Variants in LRRK1 observed in about 807,000 individuals in gnomAD.
LRRK1 encodes leucine rich repeat kinase 1, also known as leucine-rich repeat serine/threonine-protein kinase 1.
LRRK1 carries 113 observed loss-of-function variants against 209.1 expected under a neutral mutation model. The observed-to-expected ratio is 0.54, with a 90% CI of 0.46 to 0.63. The LOEUF is 0.63. LRRK1 is among the 30% of genes least tolerant of loss of function. The probability of loss-of-function intolerance (pLI) is 0.00; values close to 1 mark genes in which losing one functional copy is unlikely to be tolerated. For missense variants in LRRK1, 2,284 were observed against 2,632.2 expected, an observed-to-expected ratio of 0.87 and a Z score of 2.89; for synonymous variants, 1,144 against 1,099.7, an observed-to-expected ratio of 1.04 and a Z score of -0.80.
chr15:100,943,695 G>A (rs1441401447), intron 2 of LRRK1, among the ~76,000 whole-genome samples: 5 of 147,802 alleles, frequency 3.4e-5, no homozygotes, highest in East Asian at 2.0e-4. Context: ...GCAAGTGATC[G>A]TATCTTTTTT....
Position 100,924,549 on chromosome 15 carries a change from ACGC to A in LRRK1, c.-82_-80del. 1 of 1,200,838 alleles carries A rather than the reference ACGC, an allele frequency of 8.3e-7. No individual in the cohort carries two copies. The highest frequency in any genetic ancestry group is 1.2e-6 in the Non-Finnish European group (1 of 811,000). The allele number at this position is 1,200,838 out of a possible 1,614,324, so 74.4% of individuals were successfully genotyped here. On this transcript the variant is annotated 5_prime_UTR_variant, in exon 2 of 34. Coordinates refer to ENST00000388948, the MANE Select transcript of LRRK1 (RefSeq NM_024652.6). Reference sequence around the variant, plus strand: ...TCTGCTCAGCCATGGCTACGAGTCCACGCCTTAATGCACCCCACAGCCAGCGGC... The same window carrying A: ...TCTGCTCAGCCATGGCTACGAGTCCACTTAATGCACCCCACAGCCAGCGGC...
intron 2 of LRRK1, among the ~76,000 whole-genome samples, chr15:100,929,003 C>T (rs532214851): frequency 4.2e-4 from 64 of 152,308 alleles, no homozygotes; most frequent in African/African-American, 1.5e-3. Flanking sequence ...GTAGAGTTTG[C>T]CAGCTGACAG....
intron 21 of LRRK1, 76 bp from the exon 22 acceptor site, chr15:101,048,418 C>T (rs999331815): frequency 2.6e-5 from 35 of 1,345,226 alleles, no homozygotes; most frequent in Non-Finnish European, 3.1e-5. Context: ...GGGCCCAGCC[C>T]GGCCTCTGCA....
intron 31 of LRRK1, among the ~76,000 whole-genome samples, chr15:101,063,022 C>G (rs575901050): frequency 6.6e-6 from 1 of 152,308 alleles, no homozygotes; most frequent in South Asian, 2.1e-4. Context: ...CTATCCGGAG[C>G]CTCTTCCCCA....
Position 101,046,163 on chromosome 15 carries a change from T to A in LRRK1, c.3135+11T>A. The stretch of plus-strand genomic sequence containing the variant: ...GAGATGGACCTGCAGGTATTATGGC[T>A]GCGGTTTCTGCATAGACAGATGCCC... On this transcript the variant is annotated intron_variant, in intron 21 of 33. Coordinates refer to ENST00000388948, the MANE Select transcript of LRRK1 (RefSeq NM_024652.6). The A allele has an allele frequency of 6.2e-7, 1 of 1,613,592 alleles. No homozygotes were observed. Among genetic ancestry groups the A allele is most frequent in the Non-Finnish European group, 8.5e-7 (1 of 1,179,702 alleles).
Position 101,013,355 on chromosome 15 carries a change from G to A in LRRK1, c.1420-961G>A, listed in dbSNP as rs73488818. Among the ~76,000 whole-genome samples the A allele has an allele frequency of 8.9e-3, 1,361 of 152,302 alleles. 19 individuals are homozygous for A. Among genetic ancestry groups the A allele is most frequent in the African/African-American group, 0.03 (1,241 of 41,550 alleles). On this transcript the variant is annotated intron_variant, in intron 10 of 33. Coordinates refer to ENST00000388948, the MANE Select transcript of LRRK1 (RefSeq NM_024652.6). ...AACAGCCTGTGGCCCTCCTGAGGCC[G>A]CCCTGGTTGTGGGCGGGATAGTTGG...
chr15:101,018,050 GT>G (rs1410835592), intron 12 of LRRK1, among the ~76,000 whole-genome samples: 2 of 151,958 alleles, frequency 1.3e-5, no homozygotes, highest in African/African-American at 4.8e-5. Flanking sequence ...CAAAAATTGT[GT>G]TCAGTGGGAA....
At chr15:101,056,418 A>G (rs1195296809) in intron 27 of LRRK1, among the ~76,000 whole-genome samples, 1 of 152,110 alleles carries the variant, frequency 6.6e-6, no homozygotes, top group East Asian at 1.9e-4. Flanking sequence ...ATTGGATGGA[A>G]GGATGGATCG....
rs1015724026 is a variant in LRRK1, at chr15:100,998,005, C to T, written c.762+8607C>T. ...ACCAGCCTGGCCAACATGGTGAAAC[C>T]CCCCCGTCTCTACTAAAAATACAAA... On this transcript the variant is annotated intron_variant, in intron 6 of 33. Coordinates refer to ENST00000388948, the MANE Select transcript of LRRK1 (RefSeq NM_024652.6). 3.3e-5 allele frequency among the ~76,000 whole-genome samples: 5 copies of T among 151,886 alleles called. No homozygotes were observed. In the South Asian group the frequency reaches 6.2e-4, roughly 19 times the overall value.
intron 2 of LRRK1, among the ~76,000 whole-genome samples, chr15:100,955,904 G>A (rs545837897): frequency 1.3e-5 from 2 of 151,974 alleles, no homozygotes; most frequent in South Asian, 4.2e-4. Flanking sequence ...ATCCTCTTGA[G>A]GATTTTTGCA....
At chr15:101,038,868 T>A (rs1347750354) in intron 20 of LRRK1, among the ~76,000 whole-genome samples, 1 of 152,102 alleles carries the variant, frequency 6.6e-6, no homozygotes, top group Non-Finnish European at 1.5e-5. Flanking sequence ...ATCTCTCTCT[T>A]CCCCCATCTT....
At chr15:100,940,211 C>G (rs1330927000) in intron 2 of LRRK1, among the ~76,000 whole-genome samples, 1 of 152,108 alleles carries the variant, frequency 6.6e-6, no homozygotes, top group Non-Finnish European at 1.5e-5. Context: ...CCTGCTCTCT[C>G]TCTCTCTCTC....
At chr15:101,059,484 CAT>C (rs974212936) in intron 29 of LRRK1, among the ~76,000 whole-genome samples, 17 of 146,460 alleles carry the variant, frequency 1.2e-4, no homozygotes, top group African/African-American at 3.9e-4. Flanking sequence ...AAAAAGCAAA[CAT>C]ATTAATTAAA....
In LRRK1 at chr15:101,008,811, T is replaced by A. The variant is rs1281471980; in HGVS notation, c.763-26T>A. ...GGGCCCTGAACTCACCCTCCACATG[T>A]GCTTTTCCTTTCTTTCCACCACCAG... On this transcript the variant is annotated intron_variant, in intron 6 of 33. Coordinates refer to ENST00000388948, the MANE Select transcript of LRRK1 (RefSeq NM_024652.6). The A allele has an allele frequency of 3.8e-6, 6 of 1,559,978 alleles. No homozygotes were observed. In the African/African-American group the frequency reaches 8.1e-5, roughly 21 times the overall value.
chr15:101,007,914 G>T (rs1391729825), intron 6 of LRRK1, among the ~76,000 whole-genome samples: 2 of 152,136 alleles, frequency 1.3e-5, no homozygotes, highest in Non-Finnish European at 2.9e-5. Flanking sequence ...ACTTTGGGAG[G>T]CCAAGGTGGG....
At chr15:101,028,516 C>T (rs1043379567) in intron 19 of LRRK1, among the ~76,000 whole-genome samples, 4 of 152,194 alleles carry the variant, frequency 2.6e-5, no homozygotes, top group Non-Finnish European at 4.4e-5. Context: ...TGACATAGAC[C>T]ACTAAGCAGG....
At chr15:101,007,226 A>C (rs866900327) in intron 6 of LRRK1, among the ~76,000 whole-genome samples, 3 of 152,182 alleles carry the variant, frequency 2.0e-5, no homozygotes, top group African/African-American at 7.2e-5. Context: ...CCTTTCTCGT[A>C]GCCTCTGCTT....
intron 2 of LRRK1, among the ~76,000 whole-genome samples, chr15:100,960,678 C>T (rs1173458548): frequency 1.3e-5 from 2 of 152,170 alleles, no homozygotes; most frequent in East Asian, 3.8e-4. Flanking sequence ...CGCACTTGAG[C>T]TCTTTCTGTG....
Position 101,077,135 on chromosome 15 carries a change from C to G in LRRK1, c.*8287C>G, listed in dbSNP as rs2037014243. The G allele has an allele frequency of 6.6e-6, 1 of 152,250 alleles. No individual in the cohort carries two copies. The highest frequency in any genetic ancestry group is 2.4e-5 in the African/African-American group (1 of 41,462). The allele number at this position is 152,250 out of a possible 1,614,324, so 9.4% of individuals were successfully genotyped here. On this transcript the variant is annotated 3_prime_UTR_variant, in exon 34 of 34. Transcript: ENST00000388948. ...GACTGGACAATACTTTTACCACTTT[C>G]CCTTCTCAGAATTCAGGCCTGTCCT...
Sources: allele counts gnomAD v4.1 joint callset (sites outside exome capture counted in the v4.1 genomes callset), GRCh38; gene constraint gnomAD v4.1.1; transcripts MANE v1.5; gene names NCBI Gene and HGNC (gene_info 2026-07-23, HGNC 2026-07-21).